PDE4D: variants seen among roughly 807,000 people sequenced by gnomAD.
PDE4D encodes the protein 3',5'-cyclic-AMP phosphodiesterase 4D.
In PDE4D, 24 loss-of-function variants were observed where a neutral mutation model predicts 87.4. The observed-to-expected ratio is 0.27, with a 90% CI of 0.20 to 0.39. PDE4D has a LOEUF of 0.39. Among genes scored for constraint, PDE4D ranks in the 10% least tolerant of loss-of-function variants. PDE4D has a pLI of 1.00. For missense variants in PDE4D, 714 were observed against 1,041.0 expected (o/e 0.69, Z 4.32); for synonymous variants, 384 against 383.2 (o/e 1.00, Z -0.02).
intron 2 of PDE4D, among the ~76,000 whole-genome samples, chr5:60,019,697 G>A (rs1013650894): frequency 6.6e-6 from 1 of 152,080 alleles, no homozygotes. Context: ...AGAGTTTGGC[G>A]CTTGCTTGAG....
chr5:59,746,429 G>C (rs1239926563), intron 1 of PDE4D, among the ~76,000 whole-genome samples: 1 of 152,228 alleles, frequency 6.6e-6, no homozygotes, highest in Non-Finnish European at 1.5e-5. Flanking sequence ...ATGAATTACT[G>C]TTTCTGGAAC....
At chr5:60,175,554 A>G (rs903307731) in intron 2 of PDE4D, among the ~76,000 whole-genome samples, 1 of 152,152 alleles carries the variant, frequency 6.6e-6, no homozygotes, top group Admixed American at 6.5e-5. Context: ...TTAAAGAGGA[A>G]TAGATTGTGA....
At chr5:59,289,441 A>G (rs1221969991) in intron 1 of PDE4D, among the ~76,000 whole-genome samples, 1 of 152,094 alleles carries the variant, frequency 6.6e-6, no homozygotes, top group Non-Finnish European at 1.5e-5. Context: ...CAAAAACCAT[A>G]TGACCATTTC....
At chr5:59,183,492 G>GT (rs1742162460) in intron 4 of PDE4D, among the ~76,000 whole-genome samples, 1 of 152,164 alleles carries the variant, frequency 6.6e-6, no homozygotes, top group African/African-American at 2.4e-5. Flanking sequence ...TGGTACCCAG[G>GT]TGACCACATG....
At chr5:60,008,541 T>C (rs963727431) in intron 2 of PDE4D, among the ~76,000 whole-genome samples, 1 of 152,032 alleles carries the variant, frequency 6.6e-6, no homozygotes, top group Non-Finnish European at 1.5e-5. Flanking sequence ...TTGCAAGTTT[T>C]AGGTGTACAC....
At chr5:60,403,535 A>C (rs1741268337) in intron 1 of PDE4D, among the ~76,000 whole-genome samples, 1 of 152,224 alleles carries the variant, frequency 6.6e-6, no homozygotes, top group South Asian at 2.1e-4. Context: ...CCCTGTATTC[A>C]TGTTCTGTGT....
chr5:59,391,627 C>T (rs1031666004), intron 1 of PDE4D, among the ~76,000 whole-genome samples: 2 of 152,028 alleles, frequency 1.3e-5, no homozygotes, highest in Non-Finnish European at 2.9e-5. Context: ...TAAGGCAAAG[C>T]CACTAGTAAG....
intron 1 of PDE4D, among the ~76,000 whole-genome samples, chr5:59,861,524 C>T (rs1448904093): frequency 2.6e-5 from 4 of 152,076 alleles, no homozygotes; most frequent in Admixed American, 6.5e-5. Context: ...AGCAACCATT[C>T]GAAACAATGG....
intron 3 of PDE4D, among the ~76,000 whole-genome samples, chr5:59,933,792 T>TATATATA (rs1561879282): frequency 0.01 from 1,038 of 99,408 alleles, 13 homozygotes; most frequent in African/African-American, 0.035. Context: ...ATATATATAT[T>TATATATA]AATAAGCATT....
At chr5:59,066,567 G>C (rs963454392) in intron 5 of PDE4D, among the ~76,000 whole-genome samples, 3 of 152,140 alleles carry the variant, frequency 2.0e-5, no homozygotes, top group Non-Finnish European at 4.4e-5. Flanking sequence ...ACTAGCAAAG[G>C]AAGTTGGTCA....
intron 1 of PDE4D, among the ~76,000 whole-genome samples, chr5:59,781,180 A>AG (rs1215700391): frequency 9.9e-5 from 15 of 151,712 alleles, no homozygotes; most frequent in Non-Finnish European, 1.9e-4. Context: ...AAAAAAAAAA[A>AG]AAAAAAAGAC....
At chr5:59,435,868 C>G (rs900681550) in intron 1 of PDE4D, among the ~76,000 whole-genome samples, 1 of 152,146 alleles carries the variant, frequency 6.6e-6, no homozygotes, top group Non-Finnish European at 1.5e-5. Flanking sequence ...CATATGCAAT[C>G]AAACAGAAAT....
intron 1 of PDE4D, among the ~76,000 whole-genome samples, chr5:59,624,572 GAGA>G (rs1830688249): frequency 6.6e-6 from 1 of 152,230 alleles, no homozygotes; most frequent in Non-Finnish European, 1.5e-5. Flanking sequence ...TGCAATGGAT[GAGA>G]ATGTCTGAGC....
At chr5:59,642,914 C>A (rs1479865254) in intron 1 of PDE4D, among the ~76,000 whole-genome samples, 3 of 151,956 alleles carry the variant, frequency 2.0e-5, no homozygotes, top group East Asian at 1.9e-4. Flanking sequence ...ATCAATATAA[C>A]AAAAAATTAC....
chr5:60,145,431 C>T (rs750932308), intron 2 of PDE4D, among the ~76,000 whole-genome samples: 8 of 152,286 alleles, frequency 5.3e-5, no homozygotes, highest in Non-Finnish European at 1.2e-4. Context: ...AAGTCCTCAA[C>T]AGTTCTAAGT....
At chr5:60,317,837 A>G (rs111877639) in intron 1 of PDE4D, among the ~76,000 whole-genome samples, 8,349 of 152,142 alleles carry the variant, frequency 0.055, 770 homozygotes, top group African/African-American at 0.19. Flanking sequence ...ATTTGATTGC[A>G]CTGTGGTCTG....
intron 1 of PDE4D, among the ~76,000 whole-genome samples, chr5:59,795,194 A>G (rs1452074761): frequency 6.6e-6 from 1 of 152,232 alleles, no homozygotes; most frequent in Non-Finnish European, 1.5e-5. Flanking sequence ...ATATTGATTG[A>G]GCATTCACCA....
At chr5:59,495,030 C>G (rs898304434) in intron 1 of PDE4D, among the ~76,000 whole-genome samples, 1 of 152,218 alleles carries the variant, frequency 6.6e-6, no homozygotes, top group Non-Finnish European at 1.5e-5. Context: ...CTCTTTCTAC[C>G]TTATCCAGCC....
intron 5 of PDE4D, among the ~76,000 whole-genome samples, chr5:59,076,985 A>G (rs1765782036): frequency 6.6e-6 from 1 of 152,222 alleles, no homozygotes; most frequent in South Asian, 2.1e-4. Flanking sequence ...ATAACTTGTT[A>G]TCTACTAAAT....
Sources: gnomAD v4.1 joint callset for allele counts (sites outside exome capture counted in the v4.1 genomes callset) on GRCh38, gnomAD v4.1.1 for gene constraint, MANE v1.5 for transcripts, NCBI Gene and HGNC (gene_info 2026-07-23, HGNC 2026-07-21) for gene names.